Variants in CALCOCO1 observed in about 807,000 individuals in gnomAD.
The protein encoded by CALCOCO1 is calcium-binding and coiled-coil domain-containing protein 1.
In CALCOCO1, 44 loss-of-function variants were observed where a neutral mutation model predicts 86.3. That is an observed-to-expected ratio of 0.51 (90% CI 0.40 to 0.66). CALCOCO1 has a LOEUF of 0.66. Ranked by LOEUF, CALCOCO1 falls within the 30% of genes least tolerant of loss-of-function variation. The pLI is 0.00. For synonymous variants in CALCOCO1, 297 were observed against 327.6 expected (o/e 0.91, Z 1.01); for missense variants, 708 against 851.1 (o/e 0.83, Z 2.09).
At chr12:53,720,145 T>C (rs1301088132) in intron 6 of CALCOCO1, among the ~76,000 whole-genome samples, 2 of 152,172 alleles carry the variant, frequency 1.3e-5, no homozygotes, top group Admixed American at 6.5e-5. Flanking sequence ...ACAAGGGCAG[T>C]CATTATTGAT....
intron 3 of CALCOCO1, chr12:53,724,364 T>C: frequency 2.3e-6 from 1 of 433,576 alleles, no homozygotes; most frequent in Non-Finnish European, 4.3e-6. Flanking sequence ...ACCACATAAT[T>C]CTACCTTTCC....
chr12:53,711,842 GAGCCC>G lies in CALCOCO1; in HGVS notation c.*97_*101del, dbSNP rs1945560543. 25 of 1,000,944 alleles carry G rather than the reference GAGCCC, an allele frequency of 2.5e-5. 1 individual carries two copies. The Middle Eastern group carries it at 5.2e-3, about 209-fold the overall frequency. 62.0% of individuals were successfully genotyped at this position (1,000,944 alleles called of 1,614,324 possible). ...AGTTCTTAGGGAACAGAATATCATG[GAGCCC>G]AGTGTGATAGAAAATGGGCATGAAA... is the stretch of plus-strand genomic sequence containing the variant. On this transcript the variant is annotated 3_prime_UTR_variant, in exon 15 of 15. Coordinates refer to ENST00000550804, the MANE Select transcript of CALCOCO1 (RefSeq NM_020898.3).
In CALCOCO1 at chr12:53,722,200, G is replaced by A; in HGVS notation, c.451-17C>T. 6.2e-7 allele frequency: 1 copy of A among 1,611,238 alleles called. No homozygotes were observed. The highest frequency in any genetic ancestry group is 8.5e-7 in the Non-Finnish European group (1 of 1,179,956). Reference sequence around the variant, plus strand: ...GAGCTGGTTCTACAGGCAGCAGAAGGAGAAGGGGAGTGTGCTGGTGGAGTA... The same window carrying A: ...GAGCTGGTTCTACAGGCAGCAGAAGAAGAAGGGGAGTGTGCTGGTGGAGTA... On this transcript the variant is annotated splice_polypyrimidine_tract_variant and intron_variant, in intron 4 of 14. Coordinates refer to ENST00000550804, the MANE Select transcript of CALCOCO1 (RefSeq NM_020898.3).
At chr12:53,716,741 C>T (rs1375420319) in intron 7 of CALCOCO1, among the ~76,000 whole-genome samples, 3 of 152,198 alleles carry the variant, frequency 2.0e-5, no homozygotes, top group Non-Finnish European at 2.9e-5. Flanking sequence ...ACTCAACAGT[C>T]TACCTCTCAC....
chr12:53,721,333 T>C (rs891170335), intron 6 of CALCOCO1, 134 bp downstream of exon 6: 4 of 764,684 alleles, frequency 5.2e-6, no homozygotes, highest in Non-Finnish European at 6.3e-6. Flanking sequence ...CCCCAGTAAC[T>C]AGCTTGAGTG....
chr12:53,714,006 G>C (rs1464908196), intron 12 of CALCOCO1, 106 bp from the exon 13 acceptor site: 1 of 1,322,550 alleles, frequency 7.6e-7, no homozygotes, highest in Non-Finnish European at 1.1e-6. Context: ...CAGGGGCCAG[G>C]GTCTGGGAAA....
chr12:53,719,854 AGACAATC>A, intron 6 of CALCOCO1, 25 bp from the exon 7 acceptor site: 1 of 1,512,948 alleles, frequency 6.6e-7, no homozygotes, highest in Non-Finnish European at 9.2e-7. Flanking sequence ...ATGACATGTC[AGACAATC>A]TGCTCCACCC....
intron 14 of CALCOCO1, chr12:53,712,877 G>A (rs1489119451): frequency 6.8e-7 from 1 of 1,475,788 alleles, no homozygotes; most frequent in Non-Finnish European, 9.1e-7. Context: ...GTTAAAGGCA[G>A]GACCTCTGAG....
chr12:53,719,604 A>G, intron 7 of CALCOCO1, 135 bp downstream of exon 7: 1 of 648,664 alleles, frequency 1.5e-6, no homozygotes, highest in Non-Finnish European at 2.8e-6. Flanking sequence ...TGATTTAGGT[A>G]TATGTCTTAT....
At position 53,715,923 on chromosome 12, in the gene CALCOCO1, A is replaced by G. The variant is rs113333236; in HGVS notation, c.1130T>C (p.Ile377Thr). ...ASAAAARDRT[I>T]AELHRSRLEV... ...CAGGCGGCTGCGGTGTAGTTCGGCT[A>G]TGGTGCGGTCCCTGGCTGCTGCTGC... The change falls in exon 9 of 15, where the codon ATA (isoleucine) becomes ACA (threonine). Residue 377 changes from isoleucine (I) to threonine (T), a missense_variant. Ile to Thr is a moderately conservative substitution (Grantham distance 89, BLOSUM62 -1). Coordinates refer to ENST00000550804, the MANE Select transcript of CALCOCO1 (RefSeq NM_020898.3). The G allele has an allele frequency of 1.2e-6, 2 of 1,614,012 alleles. No individual in the cohort carries two copies. Among genetic ancestry groups the G allele is most frequent in the African/African-American group, 1.3e-5 (1 of 74,958 alleles).
In CALCOCO1 at chr12:53,711,952, A is replaced by G; in HGVS notation, c.2068T>C (p.Phe690Leu). ...TGTACGAGGGAGTAAGATCACTCAA[A>G]GGTGAAGGGGTCCTGGGTGCTGAAA... ...FFFSTQDPFT[F>L]E is the part of the protein sequence containing the mutation. The change falls in exon 15 of 15, where the codon TTT (phenylalanine) becomes CTT (leucine). Residue 690 changes from phenylalanine to leucine, a missense_variant. Transcript: ENST00000550804. 6.4e-7 allele frequency: 1 copy of G among 1,566,994 alleles called. No homozygotes were observed. Among genetic ancestry groups the G allele is most frequent in the African/African-American group, 1.4e-5 (1 of 73,516 alleles).
Position 53,713,753 on chromosome 12 carries a change from G to C in CALCOCO1, c.1739C>G (p.Ala580Gly). The change falls in exon 13 of 15, where the codon GCT (alanine) becomes GGT (glycine). Residue 580 changes from alanine to glycine, a missense_variant. By Grantham distance (60) the Ala-to-Gly change is moderately conservative. Coordinates refer to ENST00000550804, the MANE Select transcript of CALCOCO1 (RefSeq NM_020898.3). ...ASPLVVISQP[A>G]PISPHLSGPA... The stretch of plus-strand genomic sequence containing the variant: ...CCCAGAGAGGTGAGGAGAAATGGGA[G>C]CCGGCTGGCTGATGACAACAAGGGG... The C allele has an allele frequency of 6.2e-7, 1 of 1,606,122 alleles. No individual in the cohort carries two copies. Among genetic ancestry groups the C allele is most frequent in the Non-Finnish European group, 8.5e-7 (1 of 1,176,224 alleles).
At chr12:53,716,471 G>A in intron 7 of CALCOCO1, 56 bp from the exon 8 acceptor site, 1 of 1,587,094 alleles carries the variant, frequency 6.3e-7, no homozygotes, top group Non-Finnish European at 8.6e-7. Context: ...GGTGGCTCGG[G>A]AGGTGAACCA....
At chr12:53,712,450 C>A (rs1945589011) in intron 14 of CALCOCO1, 1 of 273,842 alleles carries the variant, frequency 3.7e-6, no homozygotes, top group Non-Finnish European at 7.0e-6. Context: ...CCTGCTCCAG[C>A]CGAGAAGGAT....
chr12:53,721,371 G>A, intron 6 of CALCOCO1, 96 bp downstream of exon 6: 3 of 1,116,302 alleles, frequency 2.7e-6, no homozygotes, highest in Non-Finnish European at 3.8e-6. Context: ...GAAAGCGTGT[G>A]AGGCAGACAG....
intron 14 of CALCOCO1, chr12:53,712,783 TG>T: frequency 7.4e-7 from 1 of 1,347,382 alleles, no homozygotes; most frequent in South Asian, 1.2e-5. Flanking sequence ...ACCTGGTGGT[TG>T]GGGAAGGGGT....
In CALCOCO1 at chr12:53,709,935, G is replaced by T. The variant is rs1378623768; in HGVS notation, c.*2009C>A. On this transcript the variant is annotated 3_prime_UTR_variant, in exon 15 of 15. Transcript: ENST00000550804. ...ATTAAATGCACCTCCTGCTGGGGAT[G>T]TTGGCTCATAATTCCTCTCTGATTA... 1 of 152,110 alleles carries T rather than the reference G, an allele frequency of 6.6e-6. No homozygotes were observed. Among genetic ancestry groups the T allele is most frequent in the Non-Finnish European group, 1.5e-5 (1 of 68,046 alleles). The allele number at this position is 152,110 out of a possible 1,614,324, so 9.4% of individuals were successfully genotyped here. A position where few individuals can be genotyped will look rare whatever the true frequency, so the allele number is the denominator to read the frequency against.
rs148886703 is a variant in CALCOCO1, at chr12:53,713,962, G to A, written c.1592-62C>T. On this transcript the variant is annotated intron_variant, in intron 12 of 14. Coordinates refer to ENST00000550804, the MANE Select transcript of CALCOCO1 (RefSeq NM_020898.3). ...TGTGTTGTGAGGAGTTGGACCAGCT[G>A]TCTCCTCTGGATGAGGGGTATCATT... 269 of 1,423,550 alleles carry A rather than the reference G, an allele frequency of 1.9e-4. No individual in the cohort carries two copies. The African/African-American group carries it at 3.5e-3, about 19-fold the overall frequency. The allele number at this position is 1,423,550 out of a possible 1,614,324, so 88.2% of individuals were successfully genotyped here.
rs1427438727 is a variant in CALCOCO1, at chr12:53,713,770, A to C, written c.1722T>G (p.Val574=). ...PAGPREASPL[V]VISQPAPISP... is the part of the protein sequence containing the mutation. ...AAATGGGAGCCGGCTGGCTGATGAC[A>C]ACAAGGGGAGAAGCCTCTCGAGGCC... Residue 574 remains valine (V), a synonymous_variant, in exon 13 of 15, where the codon GTT becomes GTG. Coordinates refer to ENST00000550804, the MANE Select transcript of CALCOCO1 (RefSeq NM_020898.3). The C allele has an allele frequency of 7.5e-6, 12 of 1,607,358 alleles. No individual in the cohort carries two copies. The highest frequency in any genetic ancestry group is 1.0e-5 in the Non-Finnish European group (12 of 1,176,890).
Sources: allele counts gnomAD v4.1 joint callset (sites outside exome capture counted in the v4.1 genomes callset), GRCh38; gene constraint gnomAD v4.1.1; transcripts MANE v1.5; gene names NCBI Gene and HGNC (gene_info 2026-07-23, HGNC 2026-07-21).